CATSPERE: variants seen among roughly 807,000 people sequenced by gnomAD.
The protein encoded by CATSPERE is cation channel sperm-associated auxiliary subunit epsilon.
A neutral mutation model predicts 114.1 loss-of-function variants in CATSPERE; 93 were observed. The observed-to-expected ratio is 0.81, with a 90% CI of 0.69 to 0.97. The LOEUF (loss-of-function observed/expected upper bound fraction) is 0.97, where lower values mean the gene tolerates loss of function less well. Ranked by LOEUF, CATSPERE falls within the 50% of genes least tolerant of loss-of-function variation. The pLI, the probability that CATSPERE is intolerant of heterozygous loss-of-function variation, is 0.00. For synonymous variants in CATSPERE, 341 were observed against 384.1 expected (o/e 0.89, Z 1.31); for missense variants, 1,058 against 1,131.6 (o/e 0.93, Z 0.93).
intron 19 of CATSPERE, among the ~76,000 whole-genome samples, chr1:244,616,374 A>C (rs1394666626): frequency 6.6e-6 from 1 of 152,224 alleles, no homozygotes; most frequent in East Asian, 1.9e-4. Context: ...GAATATTTCA[A>C]AATACGTAGA....
In CATSPERE at chr1:244,594,058, C is replaced by T. The variant is rs773372179; in HGVS notation, c.2303+480C>T. Among the ~76,000 whole-genome samples the T allele has an allele frequency of 3.9e-5, 6 of 152,228 alleles. No homozygotes were observed. In the East Asian group the frequency reaches 9.6e-4, roughly 24 times the overall value. On this transcript the variant is annotated intron_variant, in intron 17 of 21. Coordinates refer to ENST00000366534, the MANE Select transcript of CATSPERE (RefSeq NM_001130957.2). ...TATTTCAGCCAGGTACGGTGGCTCA[C>T]ACCTGTAATCCCAGTGCTTTGGGAG...
chr1:244,451,958 C>T, upstream of CATSPERE: 2 of 871,892 alleles, frequency 2.3e-6, no homozygotes, highest in Non-Finnish European at 3.3e-6. This position sits in a 1 kb window ranked among gnomAD's most constrained non-coding sequence, Gnocchi z 6.6. Flanking sequence ...CGGGCCGCCA[C>T]CCTCCAGCCA....
intron 8 of CATSPERE, among the ~76,000 whole-genome samples, chr1:244,540,065 A>T (rs1658386412): frequency 6.6e-6 from 1 of 151,284 alleles, no homozygotes; most frequent in African/African-American, 2.4e-5. Context: ...TGAATGGGCA[A>T]AAACTGGAAG....
At chr1:244,621,323 T>A (rs1050491560) in intron 20 of CATSPERE, among the ~76,000 whole-genome samples, 3,216 of 13,844 alleles carry the variant, frequency 0.23, 720 homozygotes, top group African/African-American at 0.43. Context: ...AAAATATATA[T>A]ATATATATAT....
chr1:244,469,367 C>G (rs535178807), intron 2 of CATSPERE, among the ~76,000 whole-genome samples: 16 of 152,244 alleles, frequency 1.1e-4, no homozygotes, highest in Non-Finnish European at 2.2e-4. Flanking sequence ...TTACTCAGCT[C>G]CAGTATTACA....
intron 13 of CATSPERE, among the ~76,000 whole-genome samples, chr1:244,585,058 C>T (rs1317611793): frequency 6.7e-6 from 1 of 149,714 alleles, no homozygotes; most frequent in African/African-American, 2.5e-5. Flanking sequence ...CCAGCCCTCT[C>T]TAATCTATAG....
At chr1:244,462,248 G>A (rs950801596) in intron 1 of CATSPERE, among the ~76,000 whole-genome samples, 1 of 152,136 alleles carries the variant, frequency 6.6e-6, no homozygotes, top group East Asian at 1.9e-4. Context: ...AATAGCACAT[G>A]TCCATCTGCA....
In CATSPERE at chr1:244,625,428, A is replaced by ATTTTTTTTTTTT. The variant is rs1234328450; in HGVS notation, c.2648+7743_2648+7744insTTTTTTTTTTTT. On this transcript the variant is annotated intron_variant, in intron 20 of 21. Coordinates refer to ENST00000366534, the MANE Select transcript of CATSPERE (RefSeq NM_001130957.2). ...TATTTATATATATATATATATATAT[A>ATTTTTTTTTTTT]TATATTTTTTTTTTTTTTTGAGATG... 5.4e-3 allele frequency among the ~76,000 whole-genome samples: 20 copies of ATTTTTTTTTTTT among 3,738 alleles called. 2 individuals carry two copies. Among genetic ancestry groups the ATTTTTTTTTTTT allele is most frequent in the Admixed American group, 0.012 (2 of 162 alleles). 2.5% of individuals were successfully genotyped at this position (3,738 alleles called of 152,430 possible). A position where few individuals can be genotyped will look rare whatever the true frequency, so the allele number is the denominator to read the frequency against.
intron 11 of CATSPERE, among the ~76,000 whole-genome samples, chr1:244,580,195 C>A (rs1055361783): frequency 4.7e-5 from 7 of 150,388 alleles, no homozygotes; most frequent in Non-Finnish European, 7.4e-5. Flanking sequence ...TGCCACCATG[C>A]CTGGCTAATT....
chr1:244,490,942 T>G (rs1046742983), intron 6 of CATSPERE, among the ~76,000 whole-genome samples: 3 of 152,084 alleles, frequency 2.0e-5, no homozygotes, highest in African/African-American at 7.2e-5. Flanking sequence ...TAAATACAGG[T>G]GGATCTAAAC....
intron 2 of CATSPERE, among the ~76,000 whole-genome samples, chr1:244,472,782 A>C (rs1668702475): frequency 6.6e-6 from 1 of 152,022 alleles, no homozygotes; most frequent in Non-Finnish European, 1.5e-5. Flanking sequence ...CTGCCTTTTC[A>C]ATCCTCCCCC....
intron 8 of CATSPERE, among the ~76,000 whole-genome samples, chr1:244,532,659 A>C (rs3005954): frequency 0.13 from 19,518 of 152,056 alleles, 2,161 homozygotes; most frequent in African/African-American, 0.3. Context: ...TTGATGTGTT[A>C]GAATAGTTAT....
chr1:244,591,810 GATT>G lies in CATSPERE; in HGVS notation c.2189+87_2189+89del, dbSNP rs1388980536. The G allele has an allele frequency of 1.3e-5, 11 of 868,628 alleles. No individual in the cohort carries two copies. In the Admixed American group the frequency reaches 2.8e-4, roughly 22 times the overall value. 53.8% of individuals were successfully genotyped at this position (868,628 alleles called of 1,614,324 possible). A position where few individuals can be genotyped will look rare whatever the true frequency, so the allele number is the denominator to read the frequency against. ...CTTTACAATCAGTACTTATTCAGTG[GATT>G]ATTATTAGCATCCATGTGTTCGGCT... On this transcript the variant is annotated intron_variant, in intron 15 of 21. Coordinates refer to ENST00000366534, the MANE Select transcript of CATSPERE (RefSeq NM_001130957.2).
At chr1:244,632,667 C>A (rs1674114981) in intron 20 of CATSPERE, among the ~76,000 whole-genome samples, 1 of 150,478 alleles carries the variant, frequency 6.6e-6, no homozygotes. Context: ...CTATAAAAGC[C>A]AATAGGGAAG....
intron 8 of CATSPERE, among the ~76,000 whole-genome samples, chr1:244,529,936 T>C (rs1242711282): frequency 6.6e-6 from 1 of 152,102 alleles, no homozygotes; most frequent in African/African-American, 2.4e-5. Flanking sequence ...TACTGATATA[T>C]AGTTTTCCCA....
Position 244,575,213 on chromosome 1 carries a change from G to C in CATSPERE, c.1950+2441G>C, listed in dbSNP as rs1665057312. On this transcript the variant is annotated intron_variant, in intron 11 of 21. Coordinates refer to ENST00000366534, the MANE Select transcript of CATSPERE (RefSeq NM_001130957.2). The surrounding 1 kb of genome is among the most constrained non-coding windows in gnomAD (Gnocchi z 4.5). ...ACACTTAGTTTCTTGGGCTGGGTGG[G>C]ATCCTTGTGGCCACAGCCCAGGCCC... Among the ~76,000 whole-genome samples the C allele has an allele frequency of 6.6e-6, 1 of 152,198 alleles. No homozygotes were observed. The highest frequency in any genetic ancestry group is 6.5e-5 in the Admixed American group (1 of 15,280).
intron 7 of CATSPERE, among the ~76,000 whole-genome samples, chr1:244,512,998 A>G (rs1676013238): frequency 1.3e-5 from 2 of 151,952 alleles, no homozygotes; most frequent in African/African-American, 4.8e-5. Context: ...AGGTTCGTGA[A>G]CCCCCTGGCA....
At chr1:244,519,364 A>C (rs3006052) in intron 8 of CATSPERE, among the ~76,000 whole-genome samples, 19,615 of 152,150 alleles carry the variant, frequency 0.13, 2,207 homozygotes, top group African/African-American at 0.3. Context: ...ACCTAGCCAA[A>C]TGGGGGAGAA....
At chr1:244,467,431 C>T (rs1282892760) in intron 2 of CATSPERE, among the ~76,000 whole-genome samples, 1 of 152,120 alleles carries the variant, frequency 6.6e-6, no homozygotes, top group Non-Finnish European at 1.5e-5. Flanking sequence ...ACAAACCAAT[C>T]AGAATGCCTA....
Sources: gnomAD v4.1 joint callset for allele counts (sites outside exome capture counted in the v4.1 genomes callset) on GRCh38, gnomAD v4.1.1 for gene constraint, Gnocchi (gnomAD v3.1) non-coding constraint, MANE v1.5 for transcripts, NCBI Gene and HGNC (gene_info 2026-07-23, HGNC 2026-07-21) for gene names.